Variants in CLN6 observed in about 807,000 individuals in gnomAD.
CLN6 encodes the protein CLN6 transmembrane ER protein, also known as ceroid-lipofuscinosis neuronal protein 6.
A neutral mutation model predicts 33.3 loss-of-function variants in CLN6; 22 were observed. That is an observed-to-expected ratio of 0.66 (90% CI 0.47 to 0.94). The LOEUF (loss-of-function observed/expected upper bound fraction) is 0.94, where lower values mean the gene tolerates loss of function less well. Ranked by LOEUF, CLN6 falls within the 40% of genes least tolerant of loss-of-function variation. The probability of loss-of-function intolerance (pLI) is 0.00; values close to 1 mark genes in which losing one functional copy is unlikely to be tolerated. For missense variants in CLN6, 387 were observed against 417.1 expected, an observed-to-expected ratio of 0.93 and a Z score of 0.63; for synonymous variants, 201 against 174.6, an observed-to-expected ratio of 1.15 and a Z score of -1.19.
intron 1 of CLN6, among the ~76,000 whole-genome samples, chr15:68,229,147 A>C (rs56234729): frequency 0.55 from 83,077 of 151,684 alleles, 23,308 homozygotes; most frequent in African/African-American, 0.61. Context: ...AGGTGTGTGT[A>C]CCCACCGCCC....
At position 68,256,672 on chromosome 15, in the gene CLN6, C is replaced by T; in HGVS notation, c.179+18G>A. 1 of 639,132 alleles carries T rather than the reference C, an allele frequency of 1.6e-6. No individual in the cohort carries two copies. The highest frequency in any genetic ancestry group is 2.8e-6 in the Non-Finnish European group (1 of 351,994). 39.6% of individuals were successfully genotyped at this position (639,132 alleles called of 1,614,324 possible). On this transcript the variant is annotated intron_variant, in intron 1 of 6. Transcript: ENST00000538696. The surrounding 1 kb of genome is among the most constrained non-coding windows in gnomAD (Gnocchi z 4.1). ...CGCCCTTGGTTTAATGCGCTGCTCT[C>T]ATTGCCTTGAAACTTACTTTTTACC...
rs1204765638 is a variant in CLN6 at position 68,241,284 on chromosome 15, A to C, written c.179+15406T>G. Among the ~76,000 whole-genome samples the C allele has an allele frequency of 6.6e-6, 1 of 151,880 alleles. No homozygotes were observed. Among genetic ancestry groups the C allele is most frequent in the African/African-American group, 2.4e-5 (1 of 41,448 alleles). On this transcript the variant is annotated intron_variant, in intron 1 of 6. Coordinates refer to the CLN6 transcript ENST00000538696. This position sits in a 1 kb window ranked among gnomAD's most constrained non-coding sequence, Gnocchi z 4.2. The stretch of plus-strand genomic sequence containing the variant: ...AAAACAAATACACAGTGCTGAGATG[A>C]TCAGCACTATGCCAGCAATATTCCA...
chr15:68,231,417 G>C (rs113982803), upstream of CLN6, among the ~76,000 whole-genome samples: 1,584 of 152,358 alleles, frequency 0.01, 11 homozygotes, highest in Non-Finnish European at 0.018. Flanking sequence ...CTGTGCCCAA[G>C]GGTCAGCCAA....
intron 1 of CLN6, among the ~76,000 whole-genome samples, chr15:68,237,628 A>C (rs1892234128): frequency 6.6e-6 from 1 of 152,260 alleles, no homozygotes; most frequent in Non-Finnish European, 1.5e-5. Flanking sequence ...CAGGTTGCTA[A>C]GGAGATGACA....
intron 1 of CLN6, among the ~76,000 whole-genome samples, chr15:68,244,307 G>A (rs1485549843): frequency 6.6e-6 from 1 of 151,380 alleles, no homozygotes; most frequent in Admixed American, 6.6e-5. Context: ...CCTAAAAGCA[G>A]CAATATAAAA....
chr15:68,248,899 A>G (rs1027103546), intron 1 of CLN6, among the ~76,000 whole-genome samples: 9 of 152,198 alleles, frequency 5.9e-5, no homozygotes, highest in African/African-American at 2.2e-4. Context: ...CAAACTATCC[A>G]TATGACAAGG....
Position 68,229,659 on chromosome 15 carries a change from C to A in CLN6, c.-75G>T. On this transcript the variant is annotated 5_prime_UTR_variant, in exon 1 of 7. Transcript: ENST00000249806. ...TCAGCTCGGCTGCCCCGGCGGAGGC[C>A]GCCGCAAATTCCCAGCGCGGGGCGG... The A allele has an allele frequency of 1.6e-6, 2 of 1,243,500 alleles. No homozygotes were observed. The highest frequency in any genetic ancestry group is 2.1e-6 in the Non-Finnish European group (2 of 953,520). 77.0% of individuals were successfully genotyped at this position (1,243,500 alleles called of 1,614,324 possible).
Position 68,208,038 on chromosome 15 carries a change from G to T in CLN6, c.*102C>A. 7.7e-7 allele frequency: 1 copy of T among 1,299,204 alleles called. No homozygotes were observed. The highest frequency in any genetic ancestry group is 1.1e-6 in the Non-Finnish European group (1 of 927,746). The allele number at this position is 1,299,204 out of a possible 1,614,324, so 80.5% of individuals were successfully genotyped here. ...CGAGGCACACCCCACTCATGCTCTC[G>T]GTCTCTGGTTACACACCCACACCCC... On this transcript the variant is annotated 3_prime_UTR_variant, in exon 7 of 7. Coordinates refer to ENST00000249806, the MANE Select transcript of CLN6 (RefSeq NM_017882.3). The surrounding 1 kb of genome is among the most constrained non-coding windows in gnomAD (Gnocchi z 5.8).
rs1892329750 is a variant in CLN6, at chr15:68,246,358, T to C, written c.179+10332A>G. On this transcript the variant is annotated intron_variant, in intron 1 of 6. Transcript: ENST00000538696. The surrounding 1 kb of genome is among the most constrained non-coding windows in gnomAD (Gnocchi z 4.5). Reference sequence around the variant, plus strand: ...AACAAATTCAATAAAGTAGAAATTATATCAAATATATTTTCTGGCCACAAT... The same window carrying C: ...AACAAATTCAATAAAGTAGAAATTACATCAAATATATTTTCTGGCCACAAT... Among the ~76,000 whole-genome samples the C allele has an allele frequency of 6.6e-6, 1 of 152,128 alleles. No homozygotes were observed.
chr15:68,220,887 G>A lies in CLN6; in HGVS notation c.84-2237C>T, dbSNP rs896125858. Among the ~76,000 whole-genome samples, 5 of 152,140 alleles carry A rather than the reference G, an allele frequency of 3.3e-5. No homozygotes were observed. The highest frequency in any genetic ancestry group is 5.9e-5 in the Non-Finnish European group (4 of 68,036). Reference sequence around the variant, plus strand: ...GTCACCTAGGCTGGAGTACAGTGGTGTGATCACAGCTCACTGCAGCCTTGG... The same window carrying A: ...GTCACCTAGGCTGGAGTACAGTGGTATGATCACAGCTCACTGCAGCCTTGG... On this transcript the variant is annotated intron_variant, in intron 1 of 6. Transcript: ENST00000249806. The surrounding 1 kb of genome is among the most constrained non-coding windows in gnomAD (Gnocchi z 4.2).
chr15:68,218,503 TG>T, intron 2 of CLN6, 32 bp downstream of exon 2: 1 of 1,485,456 alleles, frequency 6.7e-7, no homozygotes, highest in Non-Finnish European at 9.4e-7. Context: ...TCCTCAGTGC[TG>T]GTCAGAGCCC....
chr15:68,224,069 AC>A (rs1392191520), intron 1 of CLN6, among the ~76,000 whole-genome samples: 2 of 151,546 alleles, frequency 1.3e-5, no homozygotes, highest in African/African-American at 2.4e-5. Context: ...AACAACAACA[AC>A]AACAACAAAA....
Position 68,208,141 on chromosome 15 carries a change from C to T in CLN6, c.935G>A (p.Ter312=), listed in dbSNP as rs748166231. The T allele has an allele frequency of 2.6e-6, 4 of 1,568,320 alleles. No individual in the cohort carries two copies. Among genetic ancestry groups the T allele is most frequent in the Non-Finnish European group, 3.5e-6 (4 of 1,150,764 alleles). The change falls in exon 7 of 7, where the codon TGA becomes TAA. Residue 312 remains the stop codon, a stop_retained_variant. Transcript: ENST00000249806. The surrounding 1 kb of genome is among the most constrained non-coding windows in gnomAD (Gnocchi z 5.8). ...GCGCCAGAGCCTGGTGCCAGGGACT[C>T]AGTGCCGACTGCTGACGTGAAGGGT... The part of the protein sequence containing the change: ...FYTLHVSSRH[*]
In CLN6 at chr15:68,256,719, C is replaced by A; in HGVS notation, c.150G>T (p.Ser50=). 1 of 681,740 alleles carries A rather than the reference C, an allele frequency of 1.5e-6. No homozygotes were observed. Among genetic ancestry groups the A allele is most frequent in the Non-Finnish European group, 2.7e-6 (1 of 375,556 alleles). 42.2% of individuals were successfully genotyped at this position (681,740 alleles called of 1,614,324 possible). A position where few individuals can be genotyped will look rare whatever the true frequency, so the allele number is the denominator to read the frequency against. Residue 50 remains serine (S), a synonymous_variant, in exon 1 of 7, where the codon TCG becomes TCT. Transcript: ENST00000538696. This position sits in a 1 kb window ranked among gnomAD's most constrained non-coding sequence, Gnocchi z 4.1. The stretch of plus-strand genomic sequence containing the variant: ...TACCTTTGAATTTGAGTTTTCTCAG[C>A]GAAGTCTCACAGGACAATGGCGCCT...
rs1010468447 is a variant in CLN6 at position 68,246,946 on chromosome 15, A to T, written c.179+9744T>A. Among the ~76,000 whole-genome samples the T allele has an allele frequency of 1.3e-5, 2 of 152,092 alleles. No homozygotes were observed. Among genetic ancestry groups the T allele is most frequent in the African/African-American group, 4.8e-5 (2 of 41,370 alleles). On this transcript the variant is annotated intron_variant, in intron 1 of 6. Coordinates refer to the CLN6 transcript ENST00000538696. The surrounding 1 kb of genome is among the most constrained non-coding windows in gnomAD (Gnocchi z 4.5). Reference sequence around the variant, plus strand: ...CAAGGTGGGCAGATCACTTTAGGTCAGGAGTTCGAGACCAGCCTGGCCAAC... The same window carrying T: ...CAAGGTGGGCAGATCACTTTAGGTCTGGAGTTCGAGACCAGCCTGGCCAAC...
At position 68,209,313 on chromosome 15, in the gene CLN6, C is replaced by T. The variant is rs1346386763; in HGVS notation, c.665+324G>A. On this transcript the variant is annotated intron_variant, in intron 6 of 6. Transcript: ENST00000249806. This position sits in a 1 kb window ranked among gnomAD's most constrained non-coding sequence, Gnocchi z 4.9. ...CGCAGCCCACTACAGGGCTTGGTGT[C>T]GGAGGTGGATTGTACCGGCCCCAGG... 1.3e-5 allele frequency among the ~76,000 whole-genome samples: 2 copies of T among 152,164 alleles called. No individual in the cohort carries two copies. Among genetic ancestry groups the T allele is most frequent in the Non-Finnish European group, 2.9e-5 (2 of 68,024 alleles).
chr15:68,225,798 C>T (rs1247865918), intron 1 of CLN6, among the ~76,000 whole-genome samples: 1 of 151,738 alleles, frequency 6.6e-6, no homozygotes, highest in African/African-American at 2.4e-5. Context: ...CACGGTGAAA[C>T]GTCATCTCTA....
chr15:68,247,312 A>C lies in CLN6; in HGVS notation c.179+9378T>G, dbSNP rs187553229. 1.1e-3 allele frequency among the ~76,000 whole-genome samples: 169 copies of C among 152,296 alleles called. 1 individual carries two copies. Among genetic ancestry groups the C allele is most frequent in the African/African-American group, 3.9e-3 (164 of 41,540 alleles). ...TAGAACTGATAAACAAATGCAGTAA[A>C]GTCGCTGGATACAAAATCAACAGAC... On this transcript the variant is annotated intron_variant, in intron 1 of 6. Coordinates refer to the CLN6 transcript ENST00000538696. The surrounding 1 kb of genome is among the most constrained non-coding windows in gnomAD (Gnocchi z 4.2).
At position 68,211,969 on chromosome 15, in the gene CLN6, G is replaced by T. The variant is rs938122178; in HGVS notation, c.298-106C>A. On this transcript the variant is annotated intron_variant, in intron 3 of 6. Transcript: ENST00000249806. The surrounding 1 kb of genome is among the most constrained non-coding windows in gnomAD (Gnocchi z 5.9). ...GGGGTGGGATGGACGCTTCCAGCTG[G>T]AATGTCACTCCAAAAAGTGGCTGGT... 1.4e-5 allele frequency: 17 copies of T among 1,187,476 alleles called. No homozygotes were observed. In the African/African-American group the frequency reaches 2.3e-4, roughly 16 times the overall value. The allele number at this position is 1,187,476 out of a possible 1,614,324, so 73.6% of individuals were successfully genotyped here.
Sources: gnomAD v4.1 joint callset for allele counts (sites outside exome capture counted in the v4.1 genomes callset) on GRCh38, gnomAD v4.1.1 for gene constraint, Gnocchi (gnomAD v3.1) non-coding constraint, MANE v1.5 for transcripts, NCBI Gene and HGNC (gene_info 2026-07-23, HGNC 2026-07-21) for gene names.